Variants in SLC12A9 observed in about 807,000 individuals in gnomAD.
SLC12A9 encodes CCC-interacting protein 1.
A neutral mutation model predicts 66.0 loss-of-function variants in SLC12A9; 55 were observed. The observed-to-expected ratio is 0.83, with a 90% CI of 0.67 to 1.04. The LOEUF is 1.04. Ranked by LOEUF, SLC12A9 falls within the 50% of genes least tolerant of loss-of-function variation. The pLI is 0.00. For synonymous variants in SLC12A9, 577 were observed against 569.0 expected (o/e 1.01, Z -0.20); for missense variants, 1,061 against 1,241.9 (o/e 0.85, Z 2.19).
intron 1 of SLC12A9, among the ~76,000 whole-genome samples, chr7:100,843,029 G>C (rs1015788274): frequency 6.6e-6 from 1 of 152,242 alleles, no homozygotes. Context: ...GAAGGGATGC[G>C]ATGAGCTTAA....
chr7:100,843,775 C>G (rs1813838879), intron 1 of SLC12A9, among the ~76,000 whole-genome samples: 1 of 152,232 alleles, frequency 6.6e-6, no homozygotes, highest in Admixed American at 6.5e-5. Flanking sequence ...CCAAAGCTTG[C>G]TATGTGAAAA....
upstream of SLC12A9, among the ~76,000 whole-genome samples, chr7:100,852,107 A>C (rs1814106725): frequency 6.6e-6 from 1 of 152,166 alleles, no homozygotes; most frequent in East Asian, 1.9e-4. Flanking sequence ...CATAGGCTCT[A>C]GGATTTCTGC....
chr7:100,830,641 T>C (rs1375502167), intron 1 of SLC12A9, among the ~76,000 whole-genome samples: 1 of 151,970 alleles, frequency 6.6e-6, no homozygotes, highest in Non-Finnish European at 1.5e-5. Flanking sequence ...ATGAAATCTT[T>C]ACTGAGCATC....
chr7:100,866,610 C>A lies in SLC12A9; in HGVS notation c.*5C>A. 2 of 1,550,578 alleles carry A rather than the reference C, an allele frequency of 1.3e-6. No homozygotes were observed. The highest frequency in any genetic ancestry group is 1.7e-6 in the Non-Finnish European group (2 of 1,146,218). ...GTCACCTGCACTGATCTGTGATGCC[C>A]CTGCCTCCAGGGCTAGGTAGAGAGG... On this transcript the variant is annotated 3_prime_UTR_variant, in exon 14 of 14. Coordinates refer to ENST00000354161, the MANE Select transcript of SLC12A9 (RefSeq NM_020246.4). This position sits in a 1 kb window ranked among gnomAD's most constrained non-coding sequence, Gnocchi z 7.3.
chr7:100,861,897 C>T lies in SLC12A9; in HGVS notation c.1697C>T (p.Thr566Ile), dbSNP rs2116633773. 6.2e-7 allele frequency: 1 copy of T among 1,602,532 alleles called. No individual in the cohort carries two copies. Among genetic ancestry groups the T allele is most frequent in the South Asian group, 1.1e-5 (1 of 89,978 alleles). The change falls in exon 12 of 14, where the codon ACC becomes ATC. Residue 566 changes from threonine to isoleucine, a missense_variant. Coordinates refer to ENST00000354161, the MANE Select transcript of SLC12A9 (RefSeq NM_020246.4). The surrounding 1 kb of genome is among the most constrained non-coding windows in gnomAD (Gnocchi z 5.3). ...GGGCTGTATGTGCTGGGCCACGTCA[C>T]CCTGGGAGACCTCGGTGAGCTGCCC... is the stretch of plus-strand genomic sequence containing the variant. ...KGGLYVLGHV[T>I]LGDLDSLPSD...
rs965450165 is a variant in SLC12A9 at position 100,866,422 on chromosome 7, T to C, written c.2562T>C (p.Gly854=). 3.2e-6 allele frequency: 5 copies of C among 1,545,718 alleles called. No individual in the cohort carries two copies. The South Asian group carries it at 3.6e-5, about 11-fold the overall frequency. The change falls in exon 14 of 14, where the codon GGT becomes GGC. Residue 854 remains glycine, a synonymous_variant. Coordinates refer to ENST00000354161, the MANE Select transcript of SLC12A9 (RefSeq NM_020246.4). This position sits in a 1 kb window ranked among gnomAD's most constrained non-coding sequence, Gnocchi z 7.3. ...GGCGCGGCACAGGAGGAGGGCCGGG[T>C]GGGCCGGAGGGTGGGGATGCTGAGG... ...QQGRGTGGGP[G]GPEGGDAEGP... is the part of the protein sequence containing the mutation.
intron 1 of SLC12A9, among the ~76,000 whole-genome samples, chr7:100,830,473 A>G (rs1813523018): frequency 6.6e-6 from 1 of 152,080 alleles, no homozygotes; most frequent in Non-Finnish European, 1.5e-5. Context: ...CAGGAGTTTG[A>G]GGGCAGCCTG....
At chr7:100,838,096 C>T (rs984928934) in intron 1 of SLC12A9, among the ~76,000 whole-genome samples, 3 of 151,836 alleles carry the variant, frequency 2.0e-5, no homozygotes, top group African/African-American at 7.3e-5. Flanking sequence ...CTCCTGACCT[C>T]GTGATCTGCC....
chr7:100,835,668 AAAAC>A (rs1813641357), intron 1 of SLC12A9, among the ~76,000 whole-genome samples: 1 of 152,130 alleles, frequency 6.6e-6, no homozygotes, highest in Non-Finnish European at 1.5e-5. Flanking sequence ...AAACAACAAA[AAAAC>A]AAAAACACAC....
chr7:100,862,957 C>T, intron 13 of SLC12A9, 130 bp downstream of exon 13: 1 of 1,126,736 alleles, frequency 8.9e-7, no homozygotes, highest in African/African-American at 1.5e-5. Context: ...GGAGATAAGA[C>T]AGTGCTCAAA....
intron 4 of SLC12A9, chr7:100,856,219 T>G (rs1814377711): frequency 5.9e-6 from 1 of 170,342 alleles, no homozygotes; most frequent in Non-Finnish European, 1.3e-5. Context: ...ATTTATTTAT[T>G]TATTTTGAGA....
intron 1 of SLC12A9, among the ~76,000 whole-genome samples, chr7:100,840,688 CAG>C (rs759369026): frequency 1.3e-5 from 2 of 148,868 alleles, no homozygotes; most frequent in Non-Finnish European, 3.0e-5. Context: ...AGAGAAGAGA[CAG>C]AGGCAAAAAG....
At chr7:100,838,360 T>G (rs1813711208) in intron 1 of SLC12A9, among the ~76,000 whole-genome samples, 1 of 152,050 alleles carries the variant, frequency 6.6e-6, no homozygotes, top group Non-Finnish European at 1.5e-5. Context: ...CCAGAAGACC[T>G]AAAAGAGGTT....
At position 100,865,795 on chromosome 7, in the gene SLC12A9, G is replaced by A. The variant is rs770654422; in HGVS notation, c.1935G>A (p.Pro645=). Residue 645 remains proline, a synonymous_variant, in exon 14 of 14, where the codon CCG becomes CCA. Transcript: ENST00000354161. ...CGCAGGACCATTTCCTGACGGACCCGGCTTTCTCTGAGCCTGCAGACAGCA... is the reference window on the plus strand; with the variant it reads ...CGCAGGACCATTTCCTGACGGACCCAGCTTTCTCTGAGCCTGCAGACAGCA... ...APPQDHFLTD[P]AFSEPADSTR... 2.5e-6 allele frequency: 4 copies of A among 1,614,014 alleles called. No homozygotes were observed. Among genetic ancestry groups the A allele is most frequent in the East Asian group, 4.5e-5 (2 of 44,862 alleles).
At chr7:100,847,753 A>G (rs1429710791), upstream of SLC12A9, among the ~76,000 whole-genome samples, 1 of 151,796 alleles carries the variant, frequency 6.6e-6, no homozygotes, top group Non-Finnish European at 1.5e-5. Flanking sequence ...TTAGTTTTGG[A>G]CATACCAAGC....
At position 100,861,974 on chromosome 7, in the gene SLC12A9, T is replaced by C; in HGVS notation, c.1711+63T>C. The C allele has an allele frequency of 5.4e-6, 8 of 1,473,818 alleles. No homozygotes were observed. The highest frequency in any genetic ancestry group is 7.2e-6 in the Non-Finnish European group (8 of 1,108,860). The allele number at this position is 1,473,818 out of a possible 1,614,324, so 91.3% of individuals were successfully genotyped here. A position where few individuals can be genotyped will look rare whatever the true frequency, so the allele number is the denominator to read the frequency against. On this transcript the variant is annotated intron_variant, in intron 12 of 13. Transcript: ENST00000354161. The surrounding 1 kb of genome is among the most constrained non-coding windows in gnomAD (Gnocchi z 5.3). ...TTCTCTCCCCCTACCTTTTTTTTTT[T>C]TTTGAGATGGAGCTTCGTTCTGTTG...
At chr7:100,841,053 G>A (rs1813778675) in intron 1 of SLC12A9, among the ~76,000 whole-genome samples, 1 of 151,768 alleles carries the variant, frequency 6.6e-6, no homozygotes, top group Non-Finnish European at 1.5e-5. Context: ...CACCTCACCA[G>A]TTCAGAAGTA....
At chr7:100,856,846 C>T (rs1282918049) in intron 4 of SLC12A9, 22 bp from the exon 5 acceptor site, 1 of 1,556,588 alleles carries the variant, frequency 6.4e-7, no homozygotes, top group African/African-American at 1.4e-5. Context: ...GGCCTTCTAA[C>T]TCTGTCCCTA....
intron 1 of SLC12A9, among the ~76,000 whole-genome samples, chr7:100,847,131 C>T (rs1485886929): frequency 2.0e-5 from 3 of 152,190 alleles, no homozygotes; most frequent in Non-Finnish European, 2.9e-5. Context: ...GAATAAACCC[C>T]TTCCTTCTTT....
Sources: allele counts gnomAD v4.1 joint callset (sites outside exome capture counted in the v4.1 genomes callset), GRCh38; gene constraint gnomAD v4.1.1; non-coding constraint Gnocchi (gnomAD v3.1); transcripts MANE v1.5; gene names NCBI Gene and HGNC (gene_info 2026-07-23, HGNC 2026-07-21).